Variants in CADM2 observed in about 807,000 individuals in gnomAD.
CADM2 encodes immunoglobulin superfamily member 4D.
In CADM2, 12 loss-of-function variants were observed where a neutral mutation model predicts 49.8. The observed-to-expected ratio is 0.24, with a 90% CI of 0.15 to 0.39. The LOEUF is 0.39. Ranked by LOEUF, CADM2 falls within the 10% of genes least tolerant of loss-of-function variation. The pLI is 1.00. For synonymous variants in CADM2, 214 were observed against 175.4 expected, an observed-to-expected ratio of 1.22 and a Z score of -1.74; for missense variants, 378 against 492.3, an observed-to-expected ratio of 0.77 and a Z score of 2.20.
chr3:85,078,966 A>G (rs973965215), intron 1 of CADM2, among the ~76,000 whole-genome samples: 17 of 151,866 alleles, frequency 1.1e-4, no homozygotes, highest in Admixed American at 9.2e-4. Context: ...TATAAAAAAA[A>G]GAGGCCATTA....
intron 2 of CADM2, among the ~76,000 whole-genome samples, chr3:85,746,396 G>A (rs1032933193): frequency 5.9e-5 from 9 of 152,212 alleles, no homozygotes; most frequent in South Asian, 2.1e-4. Flanking sequence ...TGAAAACAAA[G>A]GCTTTAGAAG....
At chr3:85,591,133 T>C (rs2063096340) in intron 1 of CADM2, among the ~76,000 whole-genome samples, 1 of 152,002 alleles carries the variant, frequency 6.6e-6, no homozygotes, top group African/African-American at 2.4e-5. Context: ...ACCTTGACAC[T>C]ACTTTCCAGT....
At chr3:85,987,326 T>G (rs1339908606) in intron 8 of CADM2, among the ~76,000 whole-genome samples, 1 of 151,904 alleles carries the variant, frequency 6.6e-6, no homozygotes, top group Admixed American at 6.6e-5. Context: ...TTTCTTCAGC[T>G]TCCATCAATT....
At chr3:85,079,923 G>A (rs889500828) in intron 1 of CADM2, among the ~76,000 whole-genome samples, 2 of 151,838 alleles carry the variant, frequency 1.3e-5, no homozygotes, top group Non-Finnish European at 2.9e-5. Flanking sequence ...GAAGGATGAT[G>A]AAGGATGTAC....
At chr3:85,621,535 T>C (rs2063977452) in intron 1 of CADM2, among the ~76,000 whole-genome samples, 1 of 152,198 alleles carries the variant, frequency 6.6e-6, no homozygotes, top group Non-Finnish European at 1.5e-5. Flanking sequence ...ATACTTGAAA[T>C]GTAATTATGT....
At chr3:85,684,836 A>G (rs951527887) in intron 1 of CADM2, among the ~76,000 whole-genome samples, 1 of 152,174 alleles carries the variant, frequency 6.6e-6, no homozygotes, top group Non-Finnish European at 1.5e-5. Flanking sequence ...CGCCCACAAC[A>G]TGCAGGAATT....
chr3:85,440,847 T>C (rs1428523530), intron 1 of CADM2, among the ~76,000 whole-genome samples: 2 of 152,226 alleles, frequency 1.3e-5, no homozygotes, highest in Middle Eastern at 3.4e-3. Context: ...CCGGGCATGA[T>C]GGCAGGTGCC....
At chr3:85,844,270 C>T (rs534067611) in intron 3 of CADM2, among the ~76,000 whole-genome samples, 9 of 151,812 alleles carry the variant, frequency 5.9e-5, no homozygotes, top group Admixed American at 2.0e-4. Flanking sequence ...AGGTTGGGCT[C>T]GATGGACTAA....
chr3:85,490,345 G>A (rs1473681728), intron 1 of CADM2, among the ~76,000 whole-genome samples: 1 of 151,848 alleles, frequency 6.6e-6, no homozygotes, highest in East Asian at 1.9e-4. Context: ...ATTATATATA[G>A]CACAGTGTTA....
intron 7 of CADM2, among the ~76,000 whole-genome samples, chr3:85,957,698 A>C (rs1724226582): frequency 6.6e-6 from 1 of 151,818 alleles, no homozygotes; most frequent in Admixed American, 6.6e-5. Flanking sequence ...TGTTACCTGT[A>C]CTTCTGACCA....
At chr3:85,072,317 A>T (rs2036780035) in intron 1 of CADM2, among the ~76,000 whole-genome samples, 2 of 152,048 alleles carry the variant, frequency 1.3e-5, no homozygotes, top group Non-Finnish European at 2.9e-5. Context: ...AATAGCTTCC[A>T]CTTATTAAAT....
chr3:85,588,843 G>A (rs1261843596), intron 1 of CADM2, among the ~76,000 whole-genome samples: 4 of 152,036 alleles, frequency 2.6e-5, no homozygotes, highest in South Asian at 2.1e-4. Flanking sequence ...GTAGAAGCAA[G>A]GCAACAAGTG....
chr3:85,507,517 A>T (rs758780186), intron 1 of CADM2, among the ~76,000 whole-genome samples: 1 of 152,136 alleles, frequency 6.6e-6, no homozygotes, highest in African/African-American at 2.4e-5. Context: ...AAAATACATT[A>T]TATCTTTGTT....
At chr3:85,832,686 C>G (rs2074234715) in intron 3 of CADM2, among the ~76,000 whole-genome samples, 1 of 151,804 alleles carries the variant, frequency 6.6e-6, no homozygotes, top group Non-Finnish European at 1.5e-5. Flanking sequence ...CAGTCATTTA[C>G]CATTTCTAGG....
chr3:85,318,430 C>A (rs1358234261), intron 1 of CADM2, among the ~76,000 whole-genome samples: 1 of 152,024 alleles, frequency 6.6e-6, no homozygotes, highest in Non-Finnish European at 1.5e-5. Flanking sequence ...AAGAGGCACA[C>A]TTCGTCCTAA....
chr3:85,649,770 T>G (rs1159306645), intron 1 of CADM2, among the ~76,000 whole-genome samples: 1 of 152,162 alleles, frequency 6.6e-6, no homozygotes, highest in Admixed American at 6.5e-5. Context: ...TGTCTCATGG[T>G]TTGAATCTTG....
chr3:85,485,138 A>G (rs1225861949), intron 1 of CADM2, among the ~76,000 whole-genome samples: 1 of 151,994 alleles, frequency 6.6e-6, no homozygotes, highest in Non-Finnish European at 1.5e-5. Context: ...TATTCAATAT[A>G]TATTTAGTGA....
At chr3:85,128,728 C>G (rs563265184) in intron 1 of CADM2, among the ~76,000 whole-genome samples, 1 of 152,208 alleles carries the variant, frequency 6.6e-6, no homozygotes, top group African/African-American at 2.4e-5. Context: ...ACCTATGGGA[C>G]AGGTTAAATA....
chr3:86,013,203 T>G (rs902708994), intron 8 of CADM2: 1 of 1,383,078 alleles, frequency 7.2e-7, no homozygotes, highest in Non-Finnish European at 1.0e-6. Flanking sequence ...AAAACATTGA[T>G]GAAACTTCTG....
Sources: gnomAD v4.1 joint callset for allele counts (sites outside exome capture counted in the v4.1 genomes callset) on GRCh38, gnomAD v4.1.1 for gene constraint, MANE v1.5 for transcripts, NCBI Gene and HGNC (gene_info 2026-07-23, HGNC 2026-07-21) for gene names.